Variants in TUBB4B observed in about 807,000 individuals in gnomAD.
TUBB4B encodes the protein tubulin beta 4B class IVb.
Under a neutral mutation model 34.3 loss-of-function variants are expected in TUBB4B, and 7 were observed. The observed-to-expected ratio is 0.20, with a 90% CI of 0.12 to 0.38. The LOEUF is 0.38. TUBB4B is among the 10% of genes least tolerant of loss of function. The pLI is 1.00. For missense variants in TUBB4B, 178 were observed against 610.9 expected, an observed-to-expected ratio of 0.29 and a Z score of 7.47; for synonymous variants, 390 against 250.2, an observed-to-expected ratio of 1.56 and a Z score of -5.27.
At position 137,243,283 on chromosome 9, in the gene TUBB4B, C is replaced by T. The variant is rs754803526; in HGVS notation, c.1065C>T (p.Asp355=). ...IPNNVKTAVC[D]IPPRGLKMSA... is the part of the protein sequence containing the mutation. Reference sequence around the variant, plus strand: ...ACAATGTGAAAACGGCTGTCTGTGACATCCCACCTCGGGGGCTAAAAATGT... The same window carrying T: ...ACAATGTGAAAACGGCTGTCTGTGATATCCCACCTCGGGGGCTAAAAATGT... Residue 355 remains aspartate, a synonymous_variant, in exon 4 of 4, where the codon GAC becomes GAT. Transcript: ENST00000340384. 3 of 1,613,624 alleles carry T rather than the reference C, an allele frequency of 1.9e-6. No individual in the cohort carries two copies. Among genetic ancestry groups the T allele is most frequent in the Non-Finnish European group, 1.7e-6 (2 of 1,180,044 alleles).
chr9:137,242,444 C>G, intron 3 of TUBB4B, 52 bp from the exon 4 acceptor site: 3 of 1,583,146 alleles, frequency 1.9e-6, no homozygotes, highest in African/African-American at 1.3e-5. Flanking sequence ...ATGGCGGTGA[C>G]CAGTAGTGCT....
chr9:137,241,660 C>T (rs2131432975), intron 1 of TUBB4B, 61 bp from the exon 2 acceptor site: 12 of 1,402,932 alleles, frequency 8.6e-6, no homozygotes, highest in Admixed American at 2.3e-5. Flanking sequence ...GGCTGCCTCC[C>T]TGCGCACCGG....
At chr9:137,242,160 C>T (rs1248332386) in intron 3 of TUBB4B, 139 bp downstream of exon 3, 7 of 891,770 alleles carry the variant, frequency 7.8e-6, no homozygotes, top group South Asian at 7.0e-5. Context: ...ACTAAATCGG[C>T]TTTGGGAGCA....
intron 1 of TUBB4B, 146 bp downstream of exon 1, chr9:137,241,563 A>T (rs1408955968): frequency 1.2e-6 from 1 of 825,086 alleles, no homozygotes; most frequent in Non-Finnish European, 1.5e-6. Flanking sequence ...GAGCCGGGCG[A>T]CCGAAGCCCC....
intron 1 of TUBB4B, 115 bp downstream of exon 1, chr9:137,241,532 C>G (rs940094357): frequency 6.0e-6 from 6 of 997,344 alleles, no homozygotes; most frequent in African/African-American, 3.5e-5. Context: ...GCCGCCGGGC[C>G]CCCTCCGCGG....
At position 137,243,543 on chromosome 9, in the gene TUBB4B, A is replaced by T. The variant is rs1158708712; in HGVS notation, c.1325A>T (p.Glu442Val). 6.2e-7 allele frequency: 1 copy of T among 1,613,858 alleles called. No individual in the cohort carries two copies. Among genetic ancestry groups the T allele is most frequent in the African/African-American group, 1.3e-5 (1 of 74,932 alleles). Residue 442 changes from glutamate to valine, a missense_variant, in exon 4 of 4, where the codon GAG becomes GTG. Coordinates refer to ENST00000340384, the MANE Select transcript of TUBB4B (RefSeq NM_006088.6). ...EEGEFEEEAE[E>V]EVA is the part of the protein sequence containing the mutation. ...GGCGAGTTCGAGGAGGAGGCTGAGGAGGAGGTGGCCTAGAGCCTTCAGTCA... is the reference window on the plus strand; with the variant it reads ...GGCGAGTTCGAGGAGGAGGCTGAGGTGGAGGTGGCCTAGAGCCTTCAGTCA...
intron 3 of TUBB4B, 103 bp from the exon 4 acceptor site, chr9:137,242,393 T>G (rs1005215368): frequency 3.6e-6 from 5 of 1,382,218 alleles, no homozygotes; most frequent in Non-Finnish European, 3.0e-6. Context: ...CCAGGGTGAA[T>G]TCTGTGGTCA....
In TUBB4B at chr9:137,242,621, C is replaced by T. The variant is rs981858082; in HGVS notation, c.403C>T (p.Leu135=). The change falls in exon 4 of 4, where the codon CTG becomes TTG. Residue 135 remains leucine, a synonymous_variant. Coordinates refer to ENST00000340384, the MANE Select transcript of TUBB4B (RefSeq NM_006088.6). ...CTGTGACTGCCTGCAGGGTTTCCAG[C>T]TGACCCACTCCCTGGGTGGGGGGAC... ...ESCDCLQGFQ[L]THSLGGGTGS... is the part of the protein sequence containing the mutation. 2 of 1,613,770 alleles carry T rather than the reference C, an allele frequency of 1.2e-6. No individual in the cohort carries two copies. The highest frequency in any genetic ancestry group is 1.6e-4 in the Middle Eastern group (1 of 6,062).
At chr9:137,242,322 C>T (rs963991314) in intron 3 of TUBB4B, 174 bp from the exon 4 acceptor site, 2 of 816,522 alleles carry the variant, frequency 2.4e-6, no homozygotes, top group Non-Finnish European at 3.8e-6. Flanking sequence ...TGGCCCCTGA[C>T]TTAATTCGTA....
Position 137,241,778 on chromosome 9 carries a change from G to C in TUBB4B, c.115G>C (p.Asp39His). Residue 39 changes from aspartate to histidine, a missense_variant, in exon 2 of 4, where the codon GAC becomes CAC. Asp to His is a moderately conservative substitution (Grantham distance 81, BLOSUM62 -1). Coordinates refer to ENST00000340384, the MANE Select transcript of TUBB4B (RefSeq NM_006088.6). ...GIDPTGTYHG[D>H]SDLQLERINV... The stretch of plus-strand genomic sequence containing the variant: ...CGACCCCACGGGCACCTACCACGGG[G>C]ACAGCGACCTGCAGCTGGAACGCAT... 6.2e-7 allele frequency: 1 copy of C among 1,612,352 alleles called. No homozygotes were observed. Among genetic ancestry groups the C allele is most frequent in the South Asian group, 1.1e-5 (1 of 91,084 alleles).
chr9:137,242,084 C>T (rs1161675271), intron 3 of TUBB4B, 63 bp downstream of exon 3: 2 of 1,520,640 alleles, frequency 1.3e-6, no homozygotes, highest in South Asian at 1.2e-5. Flanking sequence ...AAGGGCACCG[C>T]CGTGGGAACT....
intron 1 of TUBB4B, 91 bp from the exon 2 acceptor site, chr9:137,241,630 G>A (rs1433066981): frequency 7.7e-5 from 68 of 885,380 alleles, no homozygotes; most frequent in Non-Finnish European, 8.8e-5. Context: ...GGGCCGGGCT[G>A]CCGCGCCCGT....
intron 3 of TUBB4B, chr9:137,242,275 G>A: frequency 1.5e-6 from 1 of 672,324 alleles, no homozygotes; most frequent in Non-Finnish European, 2.5e-6. Context: ...AATTGGCAGT[G>A]GCCCCCCCGG....
rs1173509727 is a variant in TUBB4B at position 137,243,658 on chromosome 9, T to C, written c.*102T>C. 6 of 1,614,108 alleles carry C rather than the reference T, an allele frequency of 3.7e-6. No homozygotes were observed. Among genetic ancestry groups the C allele is most frequent in the Non-Finnish European group, 5.1e-6 (6 of 1,180,004 alleles). On this transcript the variant is annotated 3_prime_UTR_variant, in exon 4 of 4. Coordinates refer to ENST00000340384, the MANE Select transcript of TUBB4B (RefSeq NM_006088.6). ...CACTGTGTGCACTTGCTGTTTTCCCTGTCCACATCCATGCTGTACAGACAC... is the reference window on the plus strand; with the variant it reads ...CACTGTGTGCACTTGCTGTTTTCCCCGTCCACATCCATGCTGTACAGACAC...
Position 137,242,707 on chromosome 9 carries a change from C to T in TUBB4B, c.489C>T (p.Ile163=), listed in dbSNP as rs759834949. The part of the protein sequence containing the change: ...SKIREEYPDR[I]MNTFSVVPSP... ...TCCGGGAGGAGTACCCAGACAGGAT[C>T]ATGAACACGTTTAGTGTGGTGCCTT... Residue 163 remains isoleucine (I), a synonymous_variant, in exon 4 of 4, where the codon ATC becomes ATT. Coordinates refer to ENST00000340384, the MANE Select transcript of TUBB4B (RefSeq NM_006088.6). 14 of 1,613,772 alleles carry T rather than the reference C, an allele frequency of 8.7e-6. No individual in the cohort carries two copies. The highest frequency in any genetic ancestry group is 1.7e-5 in the Admixed American group (1 of 60,028).
Position 137,242,542 on chromosome 9 carries a change from A to G in TUBB4B, c.324A>G (p.Glu108=), listed in dbSNP as rs1836780010. 6.2e-7 allele frequency: 1 copy of G among 1,613,804 alleles called. No homozygotes were observed. Among genetic ancestry groups the G allele is most frequent in the African/African-American group, 1.3e-5 (1 of 74,936 alleles). Residue 108 remains glutamate (E), a synonymous_variant, in exon 4 of 4, where the codon GAA becomes GAG. Transcript: ENST00000340384. ...GNNWAKGHYT[E]GAELVDSVLD... ...ACTGGGCCAAGGGGCACTACACAGA[A>G]GGCGCGGAGCTGGTGGACTCGGTGC...
rs1434796708 is a variant in TUBB4B at position 137,243,642 on chromosome 9, C to A, written c.*86C>A. On this transcript the variant is annotated 3_prime_UTR_variant, in exon 4 of 4. Transcript: ENST00000340384. Reference sequence around the variant, plus strand: ...GTCCTGTGGCCTGTCCCACTGTGTGCACTTGCTGTTTTCCCTGTCCACATC... The same window carrying A: ...GTCCTGTGGCCTGTCCCACTGTGTGAACTTGCTGTTTTCCCTGTCCACATC... 1.1e-5 allele frequency: 18 copies of A among 1,613,840 alleles called. No individual in the cohort carries two copies. The highest frequency in any genetic ancestry group is 1.4e-5 in the Non-Finnish European group (17 of 1,179,938).
rs1554786684 is a variant in TUBB4B, at chr9:137,242,871, C to T, written c.653C>T (p.Thr218Ile). Residue 218 changes from threonine (T) to isoleucine (I), a missense_variant, in exon 4 of 4, where the codon ACC becomes ATC. Physicochemically the swap from Thr to Ile is moderately conservative, Grantham distance 89. Transcript: ENST00000340384. Reference sequence around the variant, plus strand: ...ATTTGCTTCAGAACCCTAAAGCTGACCACGCCCACCTATGGTGACCTGAAC... The same window carrying T: ...ATTTGCTTCAGAACCCTAAAGCTGATCACGCCCACCTATGGTGACCTGAAC... Reference protein sequence around the residue: ...YDICFRTLKLTTPTYGDLNHL... With the variant: ...YDICFRTLKLITPTYGDLNHL... 6.2e-7 allele frequency: 1 copy of T among 1,613,498 alleles called. No individual in the cohort carries two copies. Among genetic ancestry groups the T allele is most frequent in the Non-Finnish European group, 8.5e-7 (1 of 1,180,022 alleles).
intron 3 of TUBB4B, 96 bp downstream of exon 3, chr9:137,242,117 C>T (rs534795383): frequency 4.9e-6 from 6 of 1,219,996 alleles, no homozygotes; most frequent in Admixed American, 2.5e-5. Context: ...CCCCTGGACG[C>T]CCTCCTCTTC....
Sources: gnomAD v4.1 joint callset for allele counts on GRCh38, gnomAD v4.1.1 for gene constraint, MANE v1.5 for transcripts, NCBI Gene and HGNC (gene_info 2026-07-23, HGNC 2026-07-21) for gene names.